The following PEPD variants were observed in gnomAD, a reference collection of about 807,000 sequenced individuals.
PEPD encodes peptidase D.
A neutral mutation model predicts 60.7 loss-of-function variants in PEPD; 53 were observed. The ratio of observed to expected loss-of-function variants is 0.87; its 90% CI spans 0.70 to 1.10. The LOEUF (loss-of-function observed/expected upper bound fraction) is 1.10. Among genes scored for constraint, PEPD ranks in the 50% least tolerant of loss-of-function variants. The pLI, the probability that PEPD is intolerant of heterozygous loss-of-function variation, is 0.00. For synonymous variants in PEPD, 267 were observed against 284.1 expected (o/e 0.94, Z 0.60); for missense variants, 711 against 711.9 (o/e 1.00, Z 0.01).
At chr19:33,448,705 G>A (rs1969639178) in intron 9 of PEPD, among the ~76,000 whole-genome samples, 1 of 152,078 alleles carries the variant, frequency 6.6e-6, no homozygotes, top group Admixed American at 6.5e-5. Flanking sequence ...GTGACGGGGA[G>A]CGGTGGGGCC....
chr19:33,510,916 C>A, intron 3 of PEPD, 112 bp downstream of exon 3: 1 of 1,126,194 alleles, frequency 8.9e-7, no homozygotes, highest in Non-Finnish European at 1.3e-6. Context: ...CCTCCTGCAG[C>A]TCTTCCCTCC....
intron 7 of PEPD, among the ~76,000 whole-genome samples, chr19:33,474,981 TAAAA>T (rs67443412): frequency 7.2e-6 from 1 of 138,578 alleles, no homozygotes. Flanking sequence ...TCCTGTCTCT[TAAAA>T]AAAAAAAAAA....
chr19:33,461,219 A>G (rs1600134937), intron 9 of PEPD, among the ~76,000 whole-genome samples: 1 of 152,180 alleles, frequency 6.6e-6, no homozygotes, highest in East Asian at 1.9e-4. Context: ...AAAATGCTCT[A>G]GCAAACAAAA....
At position 33,387,905 on chromosome 19, in the gene PEPD, A is replaced by G. The variant is rs2230063; in HGVS notation, c.1329T>C (p.Phe443=). The G allele has an allele frequency of 2.6e-4, 404 of 1,577,722 alleles. No homozygotes were observed. The highest frequency in any genetic ancestry group is 2.1e-3 in the African/African-American group (157 of 74,482). ...GGGCACTCACCCCGCCAAAACCGCG[A>G]AAGCGCTGCAGGACCTCGCGGTTAA... ...SFLNREVLQR[F]RGFGGVRIEE... is the part of the protein sequence containing the mutation. Residue 443 remains phenylalanine (F), a synonymous_variant, in exon 14 of 15, where the codon TTT becomes TTC. Coordinates refer to ENST00000244137, the MANE Select transcript of PEPD (RefSeq NM_000285.4).
intron 9 of PEPD, among the ~76,000 whole-genome samples, chr19:33,458,318 C>A (rs1012825926): frequency 7.0e-6 from 1 of 141,980 alleles, no homozygotes; most frequent in Non-Finnish European, 1.5e-5. Flanking sequence ...ATGTGGCATG[C>A]GATGTGTGGT....
intron 4 of PEPD, among the ~76,000 whole-genome samples, chr19:33,494,119 G>A (rs574742394): frequency 4.5e-4 from 69 of 152,214 alleles, no homozygotes; most frequent in African/African-American, 1.6e-3. Context: ...CAACCAGCCT[G>A]CTGGGAGCAA....
At position 33,393,236 on chromosome 19, in the gene PEPD, T is replaced by TCTGGGGTCTGGCGTGGGGGAGGCCGTC. The variant is rs1568446636; in HGVS notation, c.968-1758_968-1757insGACGGCCTCCCCCACGCCAGACCCCAG. Among the ~76,000 whole-genome samples, 34 of 31,998 alleles carry TCTGGGGTCTGGCGTGGGGGAGGCCGTC rather than the reference T, an allele frequency of 1.1e-3. 2 individuals carry two copies. The highest frequency in any genetic ancestry group is 3.3e-3 in the East Asian group (7 of 2,120). 21.0% of individuals were successfully genotyped at this position (31,998 alleles called of 152,430 possible). A position where few individuals can be genotyped will look rare whatever the true frequency, so the allele number is the denominator to read the frequency against. On this transcript the variant is annotated intron_variant, in intron 12 of 14. Transcript: ENST00000244137. ...TGGCGTCGGGGAGGCCGTCCCGGGG[T>TCTGGGGTCTGGCGTGGGGGAGGCCGTC]CTGGGGTCTGGGGTCTGGCGTGGGG...
chr19:33,439,785 G>A (rs1600116012), intron 9 of PEPD, among the ~76,000 whole-genome samples: 1 of 152,320 alleles, frequency 6.6e-6, no homozygotes, highest in South Asian at 2.1e-4. Context: ...GATTAAATGA[G>A]ATCACAACCT....
At chr19:33,440,691 C>T (rs1320429708) in intron 9 of PEPD, among the ~76,000 whole-genome samples, 1 of 152,200 alleles carries the variant, frequency 6.6e-6, no homozygotes, top group African/African-American at 2.4e-5. Flanking sequence ...CCCTCTACTG[C>T]CGTCCCCGCT....
At chr19:33,447,120 T>C (rs533764403) in intron 9 of PEPD, among the ~76,000 whole-genome samples, 34 of 152,272 alleles carry the variant, frequency 2.2e-4, no homozygotes, top group African/African-American at 7.9e-4. Context: ...CTTCTGAAGG[T>C]TGTGACATGG....
chr19:33,515,205 G>C (rs1405413122), intron 1 of PEPD, among the ~76,000 whole-genome samples: 1 of 152,170 alleles, frequency 6.6e-6, no homozygotes, highest in Non-Finnish European at 1.5e-5. Flanking sequence ...CACAGCTGTG[G>C]GATGAGAAGA....
chr19:33,419,435 C>T (rs1307409483), intron 9 of PEPD, among the ~76,000 whole-genome samples: 2 of 152,232 alleles, frequency 1.3e-5, no homozygotes, highest in African/African-American at 4.8e-5. Context: ...ATGATAACAA[C>T]CCTTTGGGGG....
At chr19:33,445,382 A>G (rs949510451) in intron 9 of PEPD, among the ~76,000 whole-genome samples, 4 of 152,218 alleles carry the variant, frequency 2.6e-5, no homozygotes, top group Non-Finnish European at 4.4e-5. Flanking sequence ...AGTGCCTCAG[A>G]ATGTGACTAT....
At chr19:33,487,954 G>A (rs1041101161) in intron 6 of PEPD, among the ~76,000 whole-genome samples, 5 of 151,912 alleles carry the variant, frequency 3.3e-5, no homozygotes, top group Admixed American at 1.3e-4. Context: ...GGAAGCCCAG[G>A]GCCCCACCTG....
At chr19:33,405,925 G>A (rs1029409063) in intron 11 of PEPD, among the ~76,000 whole-genome samples, 1 of 152,238 alleles carries the variant, frequency 6.6e-6, no homozygotes, top group African/African-American at 2.4e-5. Context: ...TGCACGCGGT[G>A]GGTGACGGGA....
At chr19:33,492,742 G>C (rs1189746338) in intron 5 of PEPD, among the ~76,000 whole-genome samples, 1 of 148,538 alleles carries the variant, frequency 6.7e-6, no homozygotes, top group Admixed American at 6.7e-5. Context: ...AACCTTAGGA[G>C]TGGGTGTGGC....
chr19:33,475,774 C>T (rs926878219), intron 7 of PEPD, among the ~76,000 whole-genome samples: 3 of 152,174 alleles, frequency 2.0e-5, no homozygotes, highest in Admixed American at 2.0e-4. Flanking sequence ...TATTCTTCTG[C>T]CAAATGGGGG....
intron 4 of PEPD, among the ~76,000 whole-genome samples, chr19:33,494,291 GGAGA>G (rs1472886207): frequency 2.6e-5 from 4 of 152,170 alleles, no homozygotes; most frequent in Admixed American, 2.6e-4. Flanking sequence ...AAACGCAGGG[GGAGA>G]GTGAGGAGAA....
At chr19:33,421,270 C>T (rs1969011555) in intron 9 of PEPD, among the ~76,000 whole-genome samples, 1 of 152,100 alleles carries the variant, frequency 6.6e-6, no homozygotes, top group Admixed American at 6.5e-5. Flanking sequence ...AGACAAAGCC[C>T]AACAGGTTTT....
Sources: allele counts gnomAD v4.1 joint callset (sites outside exome capture counted in the v4.1 genomes callset), GRCh38; gene constraint gnomAD v4.1.1; transcripts MANE v1.5; gene names NCBI Gene and HGNC (gene_info 2026-07-23, HGNC 2026-07-21).